Variants in CPQ observed in about 807,000 individuals in gnomAD.
CPQ encodes Ser-Met dipeptidase.
CPQ carries 37 observed loss-of-function variants against 45.7 expected under a neutral mutation model. That is an observed-to-expected ratio of 0.81 (90% confidence interval 0.62 to 1.07). The LOEUF is 1.07. CPQ is among the 50% of genes least tolerant of loss of function. CPQ has a pLI of 0.00. For synonymous variants in CPQ, 186 were observed against 205.8 expected (o/e 0.90, Z 0.82); for missense variants, 537 against 572.9 (o/e 0.94, Z 0.64).
At chr8:96,698,287 A>T (rs936511870) in intron 1 of CPQ, among the ~76,000 whole-genome samples, 1 of 152,144 alleles carries the variant, frequency 6.6e-6, no homozygotes, top group African/African-American at 2.4e-5. Context: ...GGAAAACTGG[A>T]TGTCCATATG....
intron 6 of CPQ, among the ~76,000 whole-genome samples, chr8:97,039,947 G>C (rs1207222041): frequency 1.3e-5 from 2 of 151,992 alleles, no homozygotes; most frequent in African/African-American, 2.4e-5. Context: ...AAACATACAT[G>C]TGCATGTGTC....
At chr8:96,821,126 A>ATTTT (rs572906188) in intron 2 of CPQ, among the ~76,000 whole-genome samples, 141 of 60,710 alleles carry the variant, frequency 2.3e-3, no homozygotes, top group Middle Eastern at 0.013. Flanking sequence ...TTTAATCTGA[A>ATTTT]TTTTTTTTTT....
At chr8:96,787,643 T>C (rs1810789286) in intron 2 of CPQ, among the ~76,000 whole-genome samples, 1 of 149,262 alleles carries the variant, frequency 6.7e-6, no homozygotes, top group Non-Finnish European at 1.5e-5. Context: ...CTGACTGCTA[T>C]TAATTCTTTA....
At chr8:96,656,950 G>C (rs1815645161) in intron 1 of CPQ, among the ~76,000 whole-genome samples, 1 of 152,032 alleles carries the variant, frequency 6.6e-6, no homozygotes, top group Non-Finnish European at 1.5e-5. Context: ...CATGAGGTCA[G>C]ATGGGAGTGG....
intron 1 of CPQ, chr8:96,659,180 A>G (rs1815670629): frequency 6.6e-6 from 1 of 151,826 alleles, no homozygotes; most frequent in Admixed American, 6.6e-5. Flanking sequence ...TAATTACCCA[A>G]ATTTGTGGTT....
At chr8:97,045,478 C>T (rs7463080) in intron 6 of CPQ, among the ~76,000 whole-genome samples, 1,730 of 152,258 alleles carry the variant, frequency 0.011, 36 homozygotes, top group African/African-American at 0.04. Flanking sequence ...AGCTCGCGCA[C>T]GACGCACTGC....
intron 6 of CPQ, among the ~76,000 whole-genome samples, chr8:97,064,173 G>A (rs932686060): frequency 6.6e-6 from 1 of 152,090 alleles, no homozygotes; most frequent in Non-Finnish European, 1.5e-5. Context: ...GGATCTGCCT[G>A]CAATATGGAA....
Position 96,939,615 on chromosome 8 carries a change from CAT to C in CPQ, c.850-26318_850-26317del, listed in dbSNP as rs762009377. ...AGTCTTTTACAATTTGCTTTTTTAA[CAT>C]AGCATTCATATTGCAGTGTGCAGCT... On this transcript the variant is annotated intron_variant, in intron 4 of 7. Coordinates refer to ENST00000220763, the MANE Select transcript of CPQ (RefSeq NM_016134.4). 4.1e-4 allele frequency among the ~76,000 whole-genome samples: 63 copies of C among 152,282 alleles called. 1 individual carries two copies. Among genetic ancestry groups the C allele is most frequent in the Non-Finnish European group, 7.8e-4 (53 of 68,016 alleles).
chr8:96,872,365 T>G (rs1376932759), intron 3 of CPQ, among the ~76,000 whole-genome samples: 1 of 151,966 alleles, frequency 6.6e-6, no homozygotes, highest in African/African-American at 2.4e-5. Flanking sequence ...CTCAAAAAGT[T>G]TCAGAGCATT....
chr8:96,882,288 C>T (rs981987950), intron 4 of CPQ, among the ~76,000 whole-genome samples: 8 of 152,192 alleles, frequency 5.3e-5, no homozygotes, highest in Non-Finnish European at 1.5e-5. Flanking sequence ...TGTAGAGAAA[C>T]GGTGGTTTCA....
At chr8:96,681,295 C>T (rs1276466801) in intron 1 of CPQ, among the ~76,000 whole-genome samples, 2 of 152,114 alleles carry the variant, frequency 1.3e-5, no homozygotes, top group East Asian at 1.9e-4. Flanking sequence ...TTTGGCCAGG[C>T]CCAGGTCCCT....
At chr8:96,886,204 T>C (rs1425786481) in intron 4 of CPQ, among the ~76,000 whole-genome samples, 1 of 152,214 alleles carries the variant, frequency 6.6e-6, no homozygotes, top group Admixed American at 6.5e-5. Flanking sequence ...TCTTGGACAG[T>C]GTGCATGAGT....
chr8:96,649,428 A>G (rs1417958158), intron 1 of CPQ, among the ~76,000 whole-genome samples: 3 of 152,230 alleles, frequency 2.0e-5, no homozygotes, highest in Admixed American at 2.0e-4. Context: ...CCATAGGTCT[A>G]ATGAAATAGG....
intron 1 of CPQ, among the ~76,000 whole-genome samples, chr8:96,748,488 C>T (rs911950659): frequency 5.9e-5 from 9 of 151,720 alleles, no homozygotes; most frequent in African/African-American, 9.7e-5. Context: ...CTTCATTGTA[C>T]GATCTGGTAC....
intron 3 of CPQ, among the ~76,000 whole-genome samples, chr8:96,850,196 C>T (rs1367236522): frequency 1.3e-5 from 2 of 152,124 alleles, no homozygotes; most frequent in African/African-American, 4.8e-5. Flanking sequence ...TGAACTGTTT[C>T]GTGGACACTG....
At chr8:97,040,161 T>G (rs1365586437) in intron 6 of CPQ, among the ~76,000 whole-genome samples, 5 of 150,238 alleles carry the variant, frequency 3.3e-5, no homozygotes, top group African/African-American at 4.9e-5. Context: ...CCTGACTTTT[T>G]AATGATTGCC....
At chr8:96,924,004 A>G (rs944381967) in intron 4 of CPQ, among the ~76,000 whole-genome samples, 4 of 152,216 alleles carry the variant, frequency 2.6e-5, no homozygotes, top group Admixed American at 1.3e-4. Flanking sequence ...TCTTGGGGGC[A>G]TTAAATCCCT....
chr8:96,840,972 T>G (rs537960980), intron 3 of CPQ, among the ~76,000 whole-genome samples: 3 of 152,348 alleles, frequency 2.0e-5, no homozygotes, highest in Admixed American at 2.0e-4. Flanking sequence ...AGATTAGCCA[T>G]CAAATTCTTC....
At chr8:96,842,732 A>G (rs1467017867) in intron 3 of CPQ, among the ~76,000 whole-genome samples, 1 of 152,202 alleles carries the variant, frequency 6.6e-6, no homozygotes, top group Non-Finnish European at 1.5e-5. Flanking sequence ...CATAATGGAT[A>G]GAGCCAGGCA....
Sources: gnomAD v4.1 joint callset for allele counts (sites outside exome capture counted in the v4.1 genomes callset) on GRCh38, gnomAD v4.1.1 for gene constraint, MANE v1.5 for transcripts, NCBI Gene and HGNC (gene_info 2026-07-23, HGNC 2026-07-21) for gene names.